The following COG6 variants were observed in gnomAD, a reference collection of about 807,000 sequenced individuals.
COG6 encodes the protein component of oligomeric golgi complex 6, also known as conserved oligomeric Golgi complex subunit 6.
A neutral mutation model predicts 88.8 loss-of-function variants in COG6; 74 were observed. The ratio of observed to expected loss-of-function variants is 0.83; its 90% CI spans 0.69 to 1.01. The LOEUF is 1.01. COG6 is among the 50% of genes least tolerant of loss of function. The pLI, the probability that COG6 is intolerant of heterozygous loss-of-function variation, is 0.00. For synonymous variants in COG6, 286 were observed against 278.7 expected, an observed-to-expected ratio of 1.03 and a Z score of -0.26; for missense variants, 800 against 797.9, an observed-to-expected ratio of 1.00 and a Z score of -0.03.
At chr13:39,763,389 A>G (rs1881081764) in intron 18 of COG6, among the ~76,000 whole-genome samples, 1 of 151,834 alleles carries the variant, frequency 6.6e-6, no homozygotes, top group South Asian at 2.1e-4. Flanking sequence ...TTGAATAGAA[A>G]TGGTAATTGC....
intron 15 of COG6, 131 bp downstream of exon 15, chr13:39,719,958 G>A (rs1415461808): frequency 3.0e-6 from 2 of 657,914 alleles, no homozygotes; most frequent in East Asian, 2.9e-5. Context: ...CTGATGAAAG[G>A]ACACACATGC....
At chr13:39,656,650 A>G (rs553513629) in intron 1 of COG6, among the ~76,000 whole-genome samples, 26 of 152,270 alleles carry the variant, frequency 1.7e-4, no homozygotes, top group Admixed American at 1.7e-3. Flanking sequence ...GTGAATATGT[A>G]GGTAACTGAA....
intron 5 of COG6, chr13:39,678,127 CACGA>C (rs1489999340): frequency 1.6e-5 from 7 of 431,908 alleles, no homozygotes; most frequent in Non-Finnish European, 3.2e-5. Context: ...AGTGCAGTAG[CACGA>C]ACACAGCTCA....
At chr13:39,738,584 C>T (rs1356797727) in intron 18 of COG6, among the ~76,000 whole-genome samples, 1 of 152,054 alleles carries the variant, frequency 6.6e-6, no homozygotes, top group East Asian at 1.9e-4. Flanking sequence ...GAAAGTACTA[C>T]AGATTTGAAC....
chr13:39,663,053 T>G (rs1004704964), intron 3 of COG6, among the ~76,000 whole-genome samples: 19 of 150,676 alleles, frequency 1.3e-4, no homozygotes, highest in African/African-American at 4.4e-4. Flanking sequence ...ATGTTAATAT[T>G]TATTCCTTTG....
chr13:39,751,794 G>A lies in COG6; in HGVS notation c.*701G>A. The A allele has an allele frequency of 7.8e-7, 1 of 1,287,128 alleles. No homozygotes were observed. The highest frequency in any genetic ancestry group is 1.0e-6 in the Non-Finnish European group (1 of 988,646). The allele number at this position is 1,287,128 out of a possible 1,614,324, so 79.7% of individuals were successfully genotyped here. A position where few individuals can be genotyped will look rare whatever the true frequency, so the allele number is the denominator to read the frequency against. On this transcript the variant is annotated 3_prime_UTR_variant, in exon 19 of 19. Transcript: ENST00000455146. ...TAAACAGGGTGGATTCCACTCTGTG[G>A]GAGCCTTCGATGGAACTCAAGGTGG...
intron 4 of COG6, among the ~76,000 whole-genome samples, chr13:39,671,769 A>G (rs1016566803): frequency 2.6e-5 from 4 of 151,760 alleles, no homozygotes; most frequent in Non-Finnish European, 5.9e-5. Flanking sequence ...TAGGAAATTT[A>G]TTTCACCTTT....
chr13:39,681,462 C>T (rs550582054), intron 7 of COG6, among the ~76,000 whole-genome samples: 1 of 152,240 alleles, frequency 6.6e-6, no homozygotes, highest in East Asian at 1.9e-4. Context: ...CATAGTGGTT[C>T]CCAACTGTGG....
At chr13:39,683,953 A>G (rs1244542496) in intron 8 of COG6, among the ~76,000 whole-genome samples, 1 of 152,184 alleles carries the variant, frequency 6.6e-6, no homozygotes, top group African/African-American at 2.4e-5. Context: ...TAGCTGTAAA[A>G]TGAGGATAAT....
chr13:39,683,711 A>G (rs1366142394), intron 8 of COG6, among the ~76,000 whole-genome samples: 1 of 151,412 alleles, frequency 6.6e-6, no homozygotes, highest in Non-Finnish European at 1.5e-5. Flanking sequence ...TTGTCTACAG[A>G]TTAATATTTA....
At chr13:39,730,677 G>A (rs1365285798) in intron 18 of COG6, among the ~76,000 whole-genome samples, 1 of 144,224 alleles carries the variant, frequency 6.9e-6, no homozygotes, top group East Asian at 2.2e-4. Flanking sequence ...AGGAGGCTGA[G>A]GCAGGAGAAT....
At chr13:39,715,878 A>C (rs1346421439) in intron 13 of COG6, among the ~76,000 whole-genome samples, 3 of 152,064 alleles carry the variant, frequency 2.0e-5, no homozygotes, top group African/African-American at 7.2e-5. Context: ...GAAGAGCACA[A>C]AGATGAAAAT....
chr13:39,722,888 T>A (rs567889910), intron 15 of COG6, among the ~76,000 whole-genome samples: 135 of 152,186 alleles, frequency 8.9e-4, no homozygotes, highest in African/African-American at 3.0e-3. Context: ...ATTTACTACC[T>A]GAGCTGTAGT....
At chr13:39,730,321 T>A (rs990393451) in intron 18 of COG6, among the ~76,000 whole-genome samples, 2 of 152,202 alleles carry the variant, frequency 1.3e-5, no homozygotes, top group Non-Finnish European at 2.9e-5. Context: ...TTCAGAAATA[T>A]TTTTAAATGT....
At chr13:39,681,293 T>G (rs1876299409) in intron 7 of COG6, among the ~76,000 whole-genome samples, 1 of 152,240 alleles carries the variant, frequency 6.6e-6, no homozygotes, top group African/African-American at 2.4e-5. Flanking sequence ...TCTACCTCTC[T>G]CCTTCTTTAC....
intron 17 of COG6, 54 bp from the exon 18 acceptor site, chr13:39,727,412 AGTT>A (rs1879189348): frequency 1.2e-5 from 14 of 1,202,996 alleles, no homozygotes; most frequent in Non-Finnish European, 1.4e-5. Flanking sequence ...TTTATATTTG[AGTT>A]GTTTGTTAGC....
In COG6 at chr13:39,769,962, C is replaced by G. The variant is rs567793505; in HGVS notation, c.1827-18373C>G. ...AATACATTTCTGTTTATAAATTACC[C>G]AGTCGAAGGTATTTTGTTAAGCAGC... On this transcript the variant is annotated intron_variant, in intron 18 of 18. Transcript: ENST00000416691. Among the ~76,000 whole-genome samples the G allele has an allele frequency of 1.2e-3, 177 of 152,302 alleles. 1 individual carries two copies. The highest frequency in any genetic ancestry group is 4.1e-3 in the African/African-American group (169 of 41,552).
At chr13:39,709,791 T>C (rs1209993466) in intron 13 of COG6, among the ~76,000 whole-genome samples, 1 of 152,178 alleles carries the variant, frequency 6.6e-6, no homozygotes, top group Non-Finnish European at 1.5e-5. Flanking sequence ...CAGTCATCTG[T>C]TGATGGGCAC....
intron 5 of COG6, among the ~76,000 whole-genome samples, chr13:39,678,513 T>C (rs781355185): frequency 1.3e-5 from 2 of 152,234 alleles, no homozygotes; most frequent in African/African-American, 2.4e-5. Context: ...TTTTCCAAAC[T>C]GGCTGACAGA....
Sources: allele counts gnomAD v4.1 joint callset (sites outside exome capture counted in the v4.1 genomes callset), GRCh38; gene constraint gnomAD v4.1.1; transcripts MANE v1.5; gene names NCBI Gene and HGNC (gene_info 2026-07-23, HGNC 2026-07-21).